ESRRG: variants seen among roughly 807,000 people sequenced by gnomAD.
ESRRG encodes estrogen related receptor gamma, also known as estrogen-related receptor gamma.
In ESRRG, 13 loss-of-function variants were observed where a neutral mutation model predicts 44.0. The observed-to-expected ratio is 0.30, with a 90% CI of 0.19 to 0.47. The LOEUF is 0.47. Ranked by LOEUF, ESRRG falls within the 20% of genes least tolerant of loss-of-function variation. The pLI is 1.00. For missense variants in ESRRG, 395 were observed against 580.6 expected, an observed-to-expected ratio of 0.68 and a Z score of 3.29; for synonymous variants, 215 against 214.6, an observed-to-expected ratio of 1.00 and a Z score of -0.02.
chr1:216,768,911 C>G lies in ESRRG; in HGVS notation c.-13-91420G>C, dbSNP rs569032960. Among the ~76,000 whole-genome samples, 4 of 152,146 alleles carry G rather than the reference C, an allele frequency of 2.6e-5. 1 individual carries two copies. In the South Asian group the frequency reaches 8.3e-4, roughly 32 times the overall value. ...ACAAGAGTCAGGAATTAAATCCCCCCCATATATATGGTTTAGAGTCTATGC... is the reference window on the plus strand; with the variant it reads ...ACAAGAGTCAGGAATTAAATCCCCCGCATATATATGGTTTAGAGTCTATGC... On this transcript the variant is annotated intron_variant, in intron 2 of 7. Transcript: ENST00000359162.
rs535899790 is a variant in ESRRG, at chr1:216,817,826, T to C, written c.-14+121756A>G. 1.3e-4 allele frequency among the ~76,000 whole-genome samples: 20 copies of C among 152,294 alleles called. No individual in the cohort carries two copies. The South Asian group carries it at 3.7e-3, about 28-fold the overall frequency. On this transcript the variant is annotated intron_variant, in intron 2 of 7. Transcript: ENST00000359162. ...GCCTACTACGGCAAAGCCAAATTCCTAGCAGATTTCTGAAGCACAAAGTCA... is the reference window on the plus strand; with the variant it reads ...GCCTACTACGGCAAAGCCAAATTCCCAGCAGATTTCTGAAGCACAAAGTCA...
intron 2 of ESRRG, among the ~76,000 whole-genome samples, chr1:216,786,791 CA>C (rs759785998): frequency 6.6e-6 from 1 of 152,052 alleles, no homozygotes; most frequent in Non-Finnish European, 1.5e-5. Flanking sequence ...ACTATCTAGG[CA>C]AAAATACAAT....
chr1:217,078,305 C>A (rs1216328791), intron 1 of ESRRG: 1 of 152,242 alleles, frequency 6.6e-6, no homozygotes, highest in Non-Finnish European at 1.5e-5. Flanking sequence ...CTTGGAAAGT[C>A]TCAGGGTTAA....
At chr1:217,118,406 C>T (rs2092768202) in intron 1 of ESRRG, among the ~76,000 whole-genome samples, 1 of 151,224 alleles carries the variant, frequency 6.6e-6, no homozygotes, top group African/African-American at 2.4e-5. Flanking sequence ...AAGTCTGTAG[C>T]TCTATCTAGT....
Position 216,566,531 on chromosome 1 carries a change from G to C in ESRRG, c.700+1457C>G, listed in dbSNP as rs113278780. Among the ~76,000 whole-genome samples, 565 of 152,244 alleles carry C rather than the reference G, an allele frequency of 3.7e-3. 2 individuals are homozygous for C. Among genetic ancestry groups the C allele is most frequent in the Non-Finnish European group, 6.0e-3 (405 of 68,012 alleles). ...CATTTCAACTTACACATGGGCTGGTGCTCATTTTTCTTTCAGTAGAGGAAA... is the reference window on the plus strand; with the variant it reads ...CATTTCAACTTACACATGGGCTGGTCCTCATTTTTCTTTCAGTAGAGGAAA... On this transcript the variant is annotated intron_variant, in intron 4 of 6. Transcript: ENST00000408911.
intron 1 of ESRRG, among the ~76,000 whole-genome samples, chr1:216,958,414 A>C: frequency 6.6e-6 from 1 of 152,188 alleles, no homozygotes; most frequent in East Asian, 1.9e-4. Flanking sequence ...ATTACGCTAC[A>C]TACTTGTAAG....
intron 2 of ESRRG, among the ~76,000 whole-genome samples, chr1:216,658,858 G>GAGA: frequency 3.7e-5 from 1 of 27,184 alleles, no homozygotes; most frequent in African/African-American, 1.0e-4. Context: ...AAGAAGAGAA[G>GAGA]AGAAGAGAAG....
At chr1:216,983,022 C>T (rs1461984111) in intron 1 of ESRRG, among the ~76,000 whole-genome samples, 4 of 122,914 alleles carry the variant, frequency 3.3e-5, no homozygotes, top group Non-Finnish European at 6.5e-5. Flanking sequence ...AGTTACGTGA[C>T]TTTGAACTGT....
chr1:216,660,443 C>T (rs1256241463), intron 2 of ESRRG, among the ~76,000 whole-genome samples: 4 of 152,286 alleles, frequency 2.6e-5, no homozygotes, highest in Non-Finnish European at 5.9e-5. Flanking sequence ...AGGTAACATA[C>T]CCAGAATCAT....
At chr1:216,630,910 G>A (rs926106416) in intron 3 of ESRRG, among the ~76,000 whole-genome samples, 8 of 142,914 alleles carry the variant, frequency 5.6e-5, no homozygotes, top group African/African-American at 1.8e-4. Context: ...AGATAAAAGA[G>A]TGAGATTTTT....
At chr1:217,094,464 G>A (rs1410748836), upstream of ESRRG, among the ~76,000 whole-genome samples, 1 of 152,144 alleles carries the variant, frequency 6.6e-6, no homozygotes, top group Non-Finnish European at 1.5e-5. Flanking sequence ...GTAAGCCTGT[G>A]TTCTTTTCCT....
chr1:216,987,098 C>G (rs962216626), intron 1 of ESRRG, among the ~76,000 whole-genome samples: 2 of 152,138 alleles, frequency 1.3e-5, no homozygotes, highest in Non-Finnish European at 2.9e-5. Flanking sequence ...GAGTGCCAGA[C>G]AGTTCATTAG....
intron 5 of ESRRG, among the ~76,000 whole-genome samples, chr1:216,562,734 T>G (rs1573029818): frequency 6.6e-6 from 1 of 152,238 alleles, no homozygotes; most frequent in Admixed American, 6.5e-5. Context: ...TGTATACATA[T>G]ATCATAATGA....
intron 1 of ESRRG, among the ~76,000 whole-genome samples, chr1:217,011,292 T>C (rs2078571634): frequency 6.6e-6 from 1 of 152,152 alleles, no homozygotes; most frequent in Non-Finnish European, 1.5e-5. Flanking sequence ...GTGGGGAACA[T>C]AAAAGGAAGT....
intron 1 of ESRRG, among the ~76,000 whole-genome samples, chr1:217,050,834 G>C (rs373148718): frequency 6.6e-6 from 1 of 152,086 alleles, no homozygotes; most frequent in East Asian, 1.9e-4. Flanking sequence ...TGTGTTACCT[G>C]GGCTTGAATG....
intron 1 of ESRRG, among the ~76,000 whole-genome samples, chr1:217,005,815 A>C (rs2077670944): frequency 6.6e-6 from 1 of 152,110 alleles, no homozygotes; most frequent in Non-Finnish European, 1.5e-5. Flanking sequence ...AAAGTCAAGT[A>C]GCCTATACAA....
intron 2 of ESRRG, among the ~76,000 whole-genome samples, chr1:216,907,767 T>C (rs190408235): frequency 1.2e-3 from 179 of 151,940 alleles, no homozygotes; most frequent in African/African-American, 4.2e-3. Flanking sequence ...TTTCAAAGAG[T>C]GTTTGATCAG....
At chr1:217,033,184 A>T (rs1311103696) in intron 1 of ESRRG, among the ~76,000 whole-genome samples, 1 of 152,210 alleles carries the variant, frequency 6.6e-6, no homozygotes. Flanking sequence ...CCCAGGACAG[A>T]GGGAAGACAC....
chr1:216,806,364 CTTATGACTAGAGTCACG>C (rs2094792709), intron 2 of ESRRG, among the ~76,000 whole-genome samples: 2 of 152,248 alleles, frequency 1.3e-5, no homozygotes, highest in Admixed American at 1.3e-4. Flanking sequence ...AGCCAATTAC[CTTATGACTAGAGTCACG>C]GTCAACAGAA....
Sources: gnomAD v4.1 joint callset for allele counts (sites outside exome capture counted in the v4.1 genomes callset) on GRCh38, gnomAD v4.1.1 for gene constraint, MANE v1.5 for transcripts, NCBI Gene and HGNC (gene_info 2026-07-23, HGNC 2026-07-21) for gene names.